ROBO2: variants seen among roughly 807,000 people sequenced by gnomAD.
The protein encoded by ROBO2 is roundabout homolog 2.
Under a neutral mutation model 160.8 loss-of-function variants are expected in ROBO2, and 53 were observed. The observed-to-expected ratio is 0.33, with a 90% confidence interval of 0.26 to 0.41. The LOEUF is 0.41. Ranked by LOEUF, ROBO2 falls within the 10% of genes least tolerant of loss-of-function variation. The probability of loss-of-function intolerance (pLI) is 1.00; values close to 1 mark genes in which losing one functional copy is unlikely to be tolerated. For synonymous variants in ROBO2, 664 were observed against 611.7 expected (o/e 1.09, Z -1.26); for missense variants, 1,577 against 1,722.4 (o/e 0.92, Z 1.49).
chr3:75,975,146 C>A (rs772079353), intron 2 of ROBO2, among the ~76,000 whole-genome samples: 2 of 151,350 alleles, frequency 1.3e-5, no homozygotes, highest in African/African-American at 2.4e-5. Flanking sequence ...TGGCAGATAT[C>A]TAGACAATTA....
At chr3:76,227,505 T>C (rs1368453143) in intron 2 of ROBO2, among the ~76,000 whole-genome samples, 1 of 152,212 alleles carries the variant, frequency 6.6e-6, no homozygotes, top group African/African-American at 2.4e-5. Flanking sequence ...TAGGTATATA[T>C]TTGTTTCTTC....
chr3:77,549,081 G>A (rs543660899), intron 7 of ROBO2, among the ~76,000 whole-genome samples: 108 of 151,956 alleles, frequency 7.1e-4, no homozygotes, highest in African/African-American at 2.5e-3. Context: ...TCCAAGGCGG[G>A]AAGAGCTGTG....
At position 76,166,525 on chromosome 3, in the gene ROBO2, C is replaced by T. The variant is rs568051804; in HGVS notation, c.109+228923C>T. Among the ~76,000 whole-genome samples the T allele has an allele frequency of 7.2e-5, 11 of 152,170 alleles. No homozygotes were observed. The East Asian group carries it at 1.4e-3, about 19-fold the overall frequency. ...TATTTTCTTTCCCATTTCTCTACAA[C>T]GAATTACCTCAACCTCTAAATAAAT... is the stretch of plus-strand genomic sequence containing the variant. On this transcript the variant is annotated intron_variant, in intron 2 of 26. Coordinates refer to the ROBO2 transcript ENST00000487694.
In ROBO2 at chr3:76,665,896, TATTA is replaced by T. The variant is rs1473728072; in HGVS notation, c.110-432117_110-432114del. On this transcript the variant is annotated intron_variant, in intron 2 of 26. Coordinates refer to the ROBO2 transcript ENST00000487694. Reference sequence around the variant, plus strand: ...ACGTATTATATATATAATATATACATATTATATATAATATACACATATTTTATAT... The same window carrying T: ...ACGTATTATATATATAATATATACATTATATAATATACACATATTTTATAT... Among the ~76,000 whole-genome samples the T allele has an allele frequency of 2.5e-5, 3 of 118,912 alleles. No homozygotes were observed. The East Asian group carries it at 7.5e-4, about 30-fold the overall frequency. 78.0% of individuals were successfully genotyped at this position (118,912 alleles called of 152,430 possible). A position where few individuals can be genotyped will look rare whatever the true frequency, so the allele number is the denominator to read the frequency against.
At chr3:76,466,511 TAA>T in intron 2 of ROBO2, among the ~76,000 whole-genome samples, 1 of 152,000 alleles carries the variant, frequency 6.6e-6, no homozygotes, top group Non-Finnish European at 1.5e-5. Flanking sequence ...GGAAATGTTT[TAA>T]AGAGGAGAAA....
At chr3:77,540,324 C>T (rs1582817171) in intron 6 of ROBO2, among the ~76,000 whole-genome samples, 1 of 152,098 alleles carries the variant, frequency 6.6e-6, no homozygotes, top group South Asian at 2.1e-4. Context: ...CATTCTTCTT[C>T]GTATTAGATA....
intron 2 of ROBO2, among the ~76,000 whole-genome samples, chr3:76,867,193 T>C (rs576508280): frequency 6.6e-6 from 1 of 152,312 alleles, no homozygotes; most frequent in East Asian, 1.9e-4. Context: ...TAATGGACTA[T>C]CAGCTTGAAC....
At chr3:77,484,184 C>T (rs2085043559) in intron 4 of ROBO2, among the ~76,000 whole-genome samples, 1 of 151,960 alleles carries the variant, frequency 6.6e-6, no homozygotes, top group Admixed American at 6.6e-5. Flanking sequence ...GTATCATAGT[C>T]TACAGTAGCA....
At chr3:76,662,153 G>T (rs964800871) in intron 2 of ROBO2, among the ~76,000 whole-genome samples, 6 of 152,182 alleles carry the variant, frequency 3.9e-5, no homozygotes, top group Admixed American at 1.3e-4. Context: ...TAACTTTGGA[G>T]GCTCTTGGCC....
At chr3:76,792,869 G>A (rs1484972483) in intron 2 of ROBO2, among the ~76,000 whole-genome samples, 1 of 151,558 alleles carries the variant, frequency 6.6e-6, no homozygotes, top group Non-Finnish European at 1.5e-5. Flanking sequence ...TAAATGCATG[G>A]CACTCTCATA....
chr3:77,433,069 C>T (rs751322498), intron 2 of ROBO2, among the ~76,000 whole-genome samples: 4 of 152,038 alleles, frequency 2.6e-5, no homozygotes, highest in Non-Finnish European at 4.4e-5. Context: ...GTGATGAAGT[C>T]AATTGCTTGC....
intron 2 of ROBO2, among the ~76,000 whole-genome samples, chr3:76,197,107 A>C (rs1334260755): frequency 6.6e-6 from 1 of 152,020 alleles, no homozygotes; most frequent in Non-Finnish European, 1.5e-5. Context: ...GTGATAATCC[A>C]CTGAGCTAAT....
intron 2 of ROBO2, among the ~76,000 whole-genome samples, chr3:77,282,545 A>G (rs2060309067): frequency 6.6e-6 from 1 of 152,050 alleles, no homozygotes; most frequent in Admixed American, 6.5e-5. Flanking sequence ...TCTCTCTGTA[A>G]ATAGAAGTAC....
chr3:77,009,517 T>G (rs2149454056), intron 2 of ROBO2, among the ~76,000 whole-genome samples: 1 of 152,320 alleles, frequency 6.6e-6, no homozygotes, highest in Admixed American at 6.5e-5. Context: ...AAACAATGTT[T>G]AAGTACTCTA....
At chr3:76,098,614 G>A (rs1047494948) in intron 2 of ROBO2, among the ~76,000 whole-genome samples, 2 of 101,430 alleles carry the variant, frequency 2.0e-5, no homozygotes, top group East Asian at 4.1e-4. Context: ...TTTTTATATT[G>A]TTTGATTGAT....
chr3:76,356,942 G>A (rs1295214253), intron 2 of ROBO2, among the ~76,000 whole-genome samples: 2 of 151,836 alleles, frequency 1.3e-5, no homozygotes, highest in East Asian at 3.9e-4. Flanking sequence ...AAGTCACATG[G>A]CTTCCTTGTT....
At chr3:77,497,128 A>G (rs2153603699) in intron 5 of ROBO2, among the ~76,000 whole-genome samples, 1 of 152,246 alleles carries the variant, frequency 6.6e-6, no homozygotes, top group East Asian at 1.9e-4. Flanking sequence ...AGTCTACATT[A>G]TACATATTAG....
At chr3:76,266,685 A>G (rs889017160) in intron 2 of ROBO2, among the ~76,000 whole-genome samples, 2 of 152,158 alleles carry the variant, frequency 1.3e-5, no homozygotes, top group African/African-American at 4.8e-5. Context: ...TGATTTGTCC[A>G]GTCTCATTAT....
intron 2 of ROBO2, among the ~76,000 whole-genome samples, chr3:76,691,372 G>A (rs1475165273): frequency 6.6e-6 from 1 of 152,038 alleles, no homozygotes; most frequent in Non-Finnish European, 1.5e-5. Context: ...TACCCAGTCT[G>A]TGCTATCTTG....
Sources: gnomAD v4.1 joint callset for allele counts (sites outside exome capture counted in the v4.1 genomes callset) on GRCh38, gnomAD v4.1.1 for gene constraint, MANE v1.5 for transcripts, NCBI Gene and HGNC (gene_info 2026-07-23, HGNC 2026-07-21) for gene names.